Variants in ARCN1 observed in about 807,000 individuals in gnomAD.
The protein encoded by ARCN1 is coatomer subunit delta.
A neutral mutation model predicts 60.4 loss-of-function variants in ARCN1; 5 were observed. The observed-to-expected ratio is 0.08, with a 90% confidence interval of 0.04 to 0.17. ARCN1 has a LOEUF of 0.17. ARCN1 is among the 10% of genes least tolerant of loss of function. The pLI is 1.00. For missense variants in ARCN1, 464 were observed against 626.5 expected (o/e 0.74, Z 2.77); for synonymous variants, 224 against 220.0 (o/e 1.02, Z -0.16).
chr11:118,576,712 A>G (rs1555073718), intron 1 of ARCN1, among the ~76,000 whole-genome samples: 1 of 152,200 alleles, frequency 6.6e-6, no homozygotes, highest in Non-Finnish European at 1.5e-5. Flanking sequence ...ACCTGTGTCA[A>G]CTGCCTGGAA....
chr11:118,582,638 A>G (rs998099193), intron 2 of ARCN1, among the ~76,000 whole-genome samples: 4 of 151,174 alleles, frequency 2.6e-5, no homozygotes, highest in African/African-American at 9.7e-5. Flanking sequence ...AGGCATGAGA[A>G]TTGCGTGAAC....
Position 118,583,967 on chromosome 11 carries a change from G to C in ARCN1, c.606G>C (p.Glu202Asp), listed in dbSNP as rs782806877. The stretch of plus-strand genomic sequence containing the variant: ...GCAGCACAGCTGCCATGATCACAGA[G>C]ACCATCATTGAAACTGATAAACCAA... ...SGGSTAAMIT[E>D]TIIETDKPKV... The change falls in exon 4 of 10, where the codon GAG (glutamate) becomes GAC (aspartate). Residue 202 changes from glutamate (E) to aspartate (D), a missense_variant. Coordinates refer to ENST00000264028, the MANE Select transcript of ARCN1 (RefSeq NM_001655.5). 1.2e-6 allele frequency: 2 copies of C among 1,614,204 alleles called. No homozygotes were observed. The highest frequency in any genetic ancestry group is 2.2e-5 in the South Asian group (2 of 91,076).
Position 118,602,055 on chromosome 11 carries a change from G to T in ARCN1, c.*1341G>T, listed in dbSNP as rs763894253. The T allele has an allele frequency of 2.4e-5, 7 of 288,544 alleles. No homozygotes were observed. Among genetic ancestry groups the T allele is most frequent in the Non-Finnish European group, 4.6e-5 (7 of 153,230 alleles). 17.9% of individuals were successfully genotyped at this position (288,544 alleles called of 1,614,324 possible). On this transcript the variant is annotated 3_prime_UTR_variant, in exon 10 of 10. Coordinates refer to ENST00000264028, the MANE Select transcript of ARCN1 (RefSeq NM_001655.5). ...TGGGGTTATGATTTTGAAGGCTGTG[G>T]GTTCAGGGAGTCTTTGCCAATCCTG...
rs138543009 is a variant in ARCN1, at chr11:118,577,256, T to C, written c.4-3990T>C. Among the ~76,000 whole-genome samples the C allele has an allele frequency of 5.9e-3, 901 of 152,034 alleles. 9 individuals are homozygous for C. The highest frequency in any genetic ancestry group is 0.02 in the African/African-American group (837 of 41,484). On this transcript the variant is annotated intron_variant, in intron 1 of 9. Coordinates refer to ENST00000264028, the MANE Select transcript of ARCN1 (RefSeq NM_001655.5). The stretch of plus-strand genomic sequence containing the variant: ...TGTTTCTTTCTTTCTTTCTTTCTTT[T>C]TTTTTTTTGAGGCAGAGTCTCACTT...
At chr11:118,588,986 C>T (rs1297338610) in intron 5 of ARCN1, among the ~76,000 whole-genome samples, 5 of 152,236 alleles carry the variant, frequency 3.3e-5, no homozygotes, top group East Asian at 1.9e-4. Context: ...CCATTGCACT[C>T]CAGCCTGGGC....
chr11:118,591,775 T>C lies in ARCN1; in HGVS notation c.985-934T>C, dbSNP rs144372568. Among the ~76,000 whole-genome samples the C allele has an allele frequency of 9.1e-4, 138 of 151,090 alleles. 4 individuals carry two copies. In the East Asian group the frequency reaches 0.012, roughly 13 times the overall value. ...GTTTTTGCACAGTCTCTCTCTGTCA[T>C]GCGGGCTGGAGTGCAGCAGCACAAC... On this transcript the variant is annotated intron_variant, in intron 6 of 9. Transcript: ENST00000264028.
rs1591392618 is a variant in ARCN1 at position 118,597,831 on chromosome 11, T to G, written c.1366T>G (p.Phe456Val). ...CAAAAATAAGAGTGGCAGCCTGGAG[T>G]TTAGCATTGCTGGGCAGCCCAATGA... is the stretch of plus-strand genomic sequence containing the variant. Reference protein sequence around the residue: ...DAKNKSGSLEFSIAGQPNDFF... With the variant: ...DAKNKSGSLEVSIAGQPNDFF... The change falls in exon 9 of 10, where the codon TTT becomes GTT. Residue 456 changes from phenylalanine to valine, a missense_variant. Phe to Val is a conservative substitution (Grantham distance 50). Coordinates refer to ENST00000264028, the MANE Select transcript of ARCN1 (RefSeq NM_001655.5). The G allele has an allele frequency of 6.2e-7, 1 of 1,614,040 alleles. No individual in the cohort carries two copies. The highest frequency in any genetic ancestry group is 8.5e-7 in the Non-Finnish European group (1 of 1,180,012).
At chr11:118,579,921 T>C (rs1282033761) in intron 1 of ARCN1, among the ~76,000 whole-genome samples, 2 of 152,228 alleles carry the variant, frequency 1.3e-5, no homozygotes, top group Non-Finnish European at 2.9e-5. Context: ...ATGTGTGATA[T>C]ATTGGCAGTT....
chr11:118,590,847 C>T (rs1221702498), intron 6 of ARCN1, among the ~76,000 whole-genome samples: 1 of 152,164 alleles, frequency 6.6e-6, no homozygotes, highest in East Asian at 1.9e-4. Context: ...GCTTGAAATA[C>T]AGTTTTAAAA....
At chr11:118,598,319 G>C (rs1292551135) in intron 9 of ARCN1, among the ~76,000 whole-genome samples, 3 of 150,710 alleles carry the variant, frequency 2.0e-5, no homozygotes, top group Non-Finnish European at 4.4e-5. Flanking sequence ...TTATTTAGAA[G>C]ACAAAATTAC....
At position 118,584,651 on chromosome 11, in the gene ARCN1, A is replaced by G. The variant is rs1555075205; in HGVS notation, c.818+7A>G. ...CACCCATTAATATGGAAAGGTAAGT[A>G]GGAACTTTGAGTAAGAATTCAAGCT... On this transcript the variant is annotated splice_region_variant and intron_variant, in intron 5 of 9. Coordinates refer to ENST00000264028, the MANE Select transcript of ARCN1 (RefSeq NM_001655.5). The G allele has an allele frequency of 1.9e-6, 3 of 1,582,264 alleles. No homozygotes were observed. Among genetic ancestry groups the G allele is most frequent in the Admixed American group, 1.9e-5 (1 of 51,402 alleles).
In ARCN1 at chr11:118,589,488, G is replaced by A. The variant is rs1246773960; in HGVS notation, c.819-853G>A. Among the ~76,000 whole-genome samples the A allele has an allele frequency of 2.0e-5, 3 of 152,050 alleles. No individual in the cohort carries two copies. The East Asian group carries it at 5.8e-4, about 29-fold the overall frequency. ...TCTGTTGCCCAGGCTGGAGTGCAGT[G>A]GCACCATCTCGGCTCACTGCAAGCT... On this transcript the variant is annotated intron_variant, in intron 5 of 9. Transcript: ENST00000264028.
At chr11:118,594,801 TG>T (rs1244334509) in intron 8 of ARCN1, among the ~76,000 whole-genome samples, 19 of 151,150 alleles carry the variant, frequency 1.3e-4, no homozygotes, top group African/African-American at 4.4e-4. Flanking sequence ...CTGCCCGCCT[TG>T]GCCTCCCAAA....
rs1692754822 is a variant in ARCN1, at chr11:118,601,639, CGCATGTCTTCT to C, written c.*927_*937del. ...TATGGGGTCTAGAAGTTAAAAGATACGCATGTCTTCTGTTCTTTTCCCGTATCAATTCATTC... is the reference window on the plus strand; with the variant it reads ...TATGGGGTCTAGAAGTTAAAAGATACGTTCTTTTCCCGTATCAATTCATTC... On this transcript the variant is annotated 3_prime_UTR_variant, in exon 10 of 10. Coordinates refer to ENST00000264028, the MANE Select transcript of ARCN1 (RefSeq NM_001655.5). 1.4e-6 allele frequency: 1 copy of C among 702,662 alleles called. No individual in the cohort carries two copies. Among genetic ancestry groups the C allele is most frequent in the Non-Finnish European group, 2.6e-6 (1 of 384,928 alleles). The allele number at this position is 702,662 out of a possible 1,614,324, so 43.5% of individuals were successfully genotyped here. A position where few individuals can be genotyped will look rare whatever the true frequency, so the allele number is the denominator to read the frequency against.
chr11:118,575,411 GGT>G (rs56934953), intron 1 of ARCN1, among the ~76,000 whole-genome samples: 237 of 149,006 alleles, frequency 1.6e-3, no homozygotes, highest in East Asian at 8.1e-3. Context: ...ACTGATAACG[GGT>G]GTGTGTGTGT....
Position 118,590,993 on chromosome 11 carries a change from C to G in ARCN1, c.984+487C>G, listed in dbSNP as rs188578115. On this transcript the variant is annotated intron_variant, in intron 6 of 9. Transcript: ENST00000264028. Reference sequence around the variant, plus strand: ...TGAGGGCTGAGCAACAAGACCCTATCTCTACAAAAACTTAAAAAATTAGCC... The same window carrying G: ...TGAGGGCTGAGCAACAAGACCCTATGTCTACAAAAACTTAAAAAATTAGCC... Among the ~76,000 whole-genome samples the G allele has an allele frequency of 3.4e-3, 521 of 152,310 alleles. 2 individuals carry two copies. The highest frequency in any genetic ancestry group is 5.2e-3 in the Non-Finnish European group (356 of 68,032).
chr11:118,574,082 T>G (rs1555073003), intron 1 of ARCN1, among the ~76,000 whole-genome samples: 2 of 152,196 alleles, frequency 1.3e-5, no homozygotes, highest in Non-Finnish European at 2.9e-5. Context: ...TGAGGGATGG[T>G]AAAGCCCTAC....
chr11:118,600,508 T>G (rs1565367836), intron 9 of ARCN1, 117 bp from the exon 10 acceptor site: 1 of 633,900 alleles, frequency 1.6e-6, no homozygotes, highest in Non-Finnish European at 2.7e-6. Context: ...TCTAGTATTT[T>G]ACAGTTACTT....
chr11:118,600,867 A>G lies in ARCN1; in HGVS notation c.*153A>G. ...CTCTGCGCGCAAGGACCCTCGACTC[A>G]CCCCCATGTTTCAGTGTCACAGAGA... On this transcript the variant is annotated 3_prime_UTR_variant, in exon 10 of 10. Coordinates refer to ENST00000264028, the MANE Select transcript of ARCN1 (RefSeq NM_001655.5). 1 of 506,054 alleles carries G rather than the reference A, an allele frequency of 2.0e-6. No homozygotes were observed. Among genetic ancestry groups the G allele is most frequent in the South Asian group, 2.3e-5 (1 of 43,140 alleles). The allele number at this position is 506,054 out of a possible 1,614,324, so 31.3% of individuals were successfully genotyped here.
Sources: gnomAD v4.1 joint callset for allele counts (sites outside exome capture counted in the v4.1 genomes callset) on GRCh38, gnomAD v4.1.1 for gene constraint, MANE v1.5 for transcripts, NCBI Gene and HGNC (gene_info 2026-07-23, HGNC 2026-07-21) for gene names.